Variants in STRA6 observed in about 807,000 individuals in gnomAD.
The protein encoded by STRA6 is signaling receptor and transporter of retinol STRA6.
Under a neutral mutation model 83.6 loss-of-function variants are expected in STRA6, and 48 were observed. The observed-to-expected ratio is 0.57, with a 90% CI of 0.46 to 0.73. The LOEUF (loss-of-function observed/expected upper bound fraction) is 0.73. Among genes scored for constraint, STRA6 ranks in the 30% least tolerant of loss-of-function variants. The pLI, the probability that STRA6 is intolerant of heterozygous loss-of-function variation, is 0.00. For missense variants in STRA6, 760 were observed against 838.8 expected, an observed-to-expected ratio of 0.91 and a Z score of 1.16; for synonymous variants, 353 against 362.3, an observed-to-expected ratio of 0.97 and a Z score of 0.29.
chr15:74,209,276 T>C, upstream of STRA6: 1 of 1,290,684 alleles, frequency 7.7e-7, no homozygotes, highest in Non-Finnish European at 1.1e-6. Context: ...CAGAGTCACC[T>C]CAGTGGAGAA....
upstream of STRA6, among the ~76,000 whole-genome samples, chr15:74,205,052 G>A (rs1487972348): frequency 6.6e-6 from 1 of 152,198 alleles, no homozygotes; most frequent in East Asian, 1.9e-4. Flanking sequence ...GCACCAAATG[G>A]AACCTGATGT....
chr15:74,190,408 T>C (rs1056809488), intron 11 of STRA6, among the ~76,000 whole-genome samples: 2 of 150,580 alleles, frequency 1.3e-5, no homozygotes, highest in East Asian at 1.9e-4. Context: ...TTAATTGTTG[T>C]TGTTGGTTTT....
chr15:74,194,030 G>A (rs576917071), intron 7 of STRA6, 108 bp from the exon 8 acceptor site: 74 of 1,549,668 alleles, frequency 4.8e-5, no homozygotes, highest in Non-Finnish European at 6.2e-5. Flanking sequence ...GGTGGTCTGG[G>A]GGGCCATGGG....
At chr15:74,186,783 A>G (rs1207199587) in intron 12 of STRA6, among the ~76,000 whole-genome samples, 1 of 152,196 alleles carries the variant, frequency 6.6e-6, no homozygotes, top group Non-Finnish European at 1.5e-5. Context: ...AAGAAAAAAA[A>G]AATCACTGGG....
At chr15:74,194,278 T>A in intron 7 of STRA6, 5 of 1,032,398 alleles carry the variant, frequency 4.8e-6, no homozygotes, top group Non-Finnish European at 6.2e-6. Flanking sequence ...CACGAAAGCC[T>A]GCCTTTGCCT....
chr15:74,183,526 G>A (rs2073092866), intron 14 of STRA6: 2 of 1,196,922 alleles, frequency 1.7e-6, no homozygotes, highest in Non-Finnish European at 2.1e-6. Flanking sequence ...TTACAGGTGT[G>A]AGCCACTGAG....
intron 18 of STRA6, 98 bp downstream of exon 18, chr15:74,180,684 T>A (rs1456031978): frequency 6.7e-7 from 1 of 1,498,230 alleles, no homozygotes; most frequent in African/African-American, 1.4e-5. Context: ...AAGTGAGAAT[T>A]TTCCTGGCGC....
chr15:74,204,169 T>A (rs2074199131), upstream of STRA6, among the ~76,000 whole-genome samples: 1 of 152,186 alleles, frequency 6.6e-6, no homozygotes, highest in Admixed American at 6.5e-5. Context: ...CGAGCTTTAT[T>A]TGATGTAATG....
Position 74,202,735 on chromosome 15 carries a change from A to G in STRA6, c.-38T>C. ...CACCAGAAGGGAGGCCCAGGGAGGA[A>G]GGAGTTGCAGAGATGAAAGGGTAGG... On this transcript the variant is annotated 5_prime_UTR_variant, in exon 1 of 19. Coordinates refer to ENST00000395105, the MANE Select transcript of STRA6 (RefSeq NM_022369.4). 1 of 1,239,724 alleles carries G rather than the reference A, an allele frequency of 8.1e-7. No homozygotes were observed. Among genetic ancestry groups the G allele is most frequent in the South Asian group, 3.4e-5 (1 of 29,184 alleles). The allele number at this position is 1,239,724 out of a possible 1,614,324, so 76.8% of individuals were successfully genotyped here.
At chr15:74,183,831 G>A in intron 14 of STRA6, 25 bp downstream of exon 14, 1 of 1,613,760 alleles carries the variant, frequency 6.2e-7, no homozygotes. Context: ...GCCAAGGCTG[G>A]GTGTGGCGGG....
At position 74,193,914 on chromosome 15, in the gene STRA6, C is replaced by T; in HGVS notation, c.606G>A (p.Lys202=). Residue 202 remains lysine, a synonymous_variant, in exon 8 of 19, where the codon AAG becomes AAA. Coordinates refer to ENST00000395105, the MANE Select transcript of STRA6 (RefSeq NM_022369.4). ...GCAGGGAGGCCAGCAGGGAGTAGTA[C>T]TTGTAGATCTGGACAGACAAACACC... ...AECPQVPKIY[K]YYSLLASLPL... 1 of 1,613,452 alleles carries T rather than the reference C, an allele frequency of 6.2e-7. No homozygotes were observed. The highest frequency in any genetic ancestry group is 2.2e-5 in the East Asian group (1 of 44,872).
intron 10 of STRA6, 108 bp from the exon 11 acceptor site, chr15:74,191,009 A>C (rs1162126081): frequency 6.3e-7 from 1 of 1,579,514 alleles, no homozygotes; most frequent in Non-Finnish European, 8.6e-7. Flanking sequence ...CTAAATGACC[A>C]AGGCCAGGCC....
Position 74,182,345 on chromosome 15 carries a change from C to A in STRA6, c.1416G>T (p.Ser472=). 1 of 1,614,066 alleles carries A rather than the reference C, an allele frequency of 6.2e-7. No homozygotes were observed. The highest frequency in any genetic ancestry group is 8.5e-7 in the Non-Finnish European group (1 of 1,179,980). Residue 472 remains serine, a splice_region_variant and synonymous_variant, in exon 15 of 19, where the codon TCG becomes TCT. Transcript: ENST00000395105. ...CCTCCATGTCTTGTTTCACTCACCA[C>A]GAGGACTCCAGGGAACGGAAGAGCA... is the stretch of plus-strand genomic sequence containing the variant. The part of the protein sequence containing the change: ...NLLLFRSLES[S]WPFWLTLALA...
At position 74,195,139 on chromosome 15, in the gene STRA6, A is replaced by G; in HGVS notation, c.597+163T>C. On this transcript the variant is annotated intron_variant, in intron 7 of 18. Transcript: ENST00000395105. ...TTGTTCCCTGCCTCTCCTGCAGAGC[A>G]GCCAAGCTTGGAAGGGGCACATGTT... The G allele has an allele frequency of 2.7e-6, 4 of 1,506,998 alleles. No individual in the cohort carries two copies. In the South Asian group the frequency reaches 5.0e-5, roughly 19 times the overall value. The allele number at this position is 1,506,998 out of a possible 1,614,324, so 93.4% of individuals were successfully genotyped here.
In STRA6 at chr15:74,191,441, C is replaced by T. The variant is rs1453006507; in HGVS notation, c.771G>A (p.Arg257=). Reference sequence around the variant, plus strand: ...GACCCCACCTGCTTCCCAGCTTCTTCCTGCAAAGGAGGTTCCTCAGATATT... The same window carrying T: ...GACCCCACCTGCTTCCCAGCTTCTTTCTGCAAAGGAGGTTCCTCAGATATT... ...SEEYLRNLLC[R]KKLGSSYHTS... The change falls in exon 9 of 19, where the codon AGG becomes AGA. Residue 257 remains arginine (R), a synonymous_variant. Transcript: ENST00000395105. 6.2e-7 allele frequency: 1 copy of T among 1,614,058 alleles called. No individual in the cohort carries two copies. Among genetic ancestry groups the T allele is most frequent in the Admixed American group, 1.7e-5 (1 of 60,010 alleles).
chr15:74,180,011 G>A lies in STRA6; in HGVS notation c.*69C>T, dbSNP rs2072893843. ...GTGTGATGCTGGGAGGAGAGCCGGG[G>A]AGGGAGGAGGATGGTAGGCAGGAAC... is the stretch of plus-strand genomic sequence containing the variant. On this transcript the variant is annotated 3_prime_UTR_variant, in exon 19 of 19. Coordinates refer to ENST00000395105, the MANE Select transcript of STRA6 (RefSeq NM_022369.4). 2 of 1,577,876 alleles carry A rather than the reference G, an allele frequency of 1.3e-6. No individual in the cohort carries two copies. Among genetic ancestry groups the A allele is most frequent in the Non-Finnish European group, 1.7e-6 (2 of 1,153,354 alleles).
chr15:74,184,213 G>A (rs1333792549), intron 13 of STRA6, among the ~76,000 whole-genome samples: 1 of 152,220 alleles, frequency 6.6e-6, no homozygotes, highest in Non-Finnish European at 1.5e-5. Flanking sequence ...ACAAAACGAG[G>A]CAGAAGGCTC....
chr15:74,180,109 G>A lies in STRA6; in HGVS notation c.1975C>T (p.Leu659=), dbSNP rs757049063. 3.1e-6 allele frequency: 5 copies of A among 1,613,664 alleles called. No individual in the cohort carries two copies. Among genetic ancestry groups the A allele is most frequent in the South Asian group, 2.2e-5 (2 of 91,060 alleles). ...GGCTGGGCACCATTGGCACCCAACA[G>A]GGCCGTCTTGCGGAAGACCTGCAGG... The part of the protein sequence containing the change: ...PTLQVFRKTA[L]LGANGAQP Residue 659 remains leucine (L), a synonymous_variant, in exon 19 of 19, where the codon CTG becomes TTG. Transcript: ENST00000395105.
intron 2 of STRA6, 107 bp from the exon 3 acceptor site, chr15:74,197,925 C>T: frequency 8.5e-7 from 1 of 1,174,848 alleles, no homozygotes; most frequent in Non-Finnish European, 1.2e-6. Context: ...CCACTACCTC[C>T]CTCAACCCTC....
Sources: gnomAD v4.1 joint callset for allele counts (sites outside exome capture counted in the v4.1 genomes callset) on GRCh38, gnomAD v4.1.1 for gene constraint, MANE v1.5 for transcripts, NCBI Gene and HGNC (gene_info 2026-07-23, HGNC 2026-07-21) for gene names.